TSC22D3: variants seen among roughly 807,000 people sequenced by gnomAD.
The protein encoded by TSC22D3 is TSC22 domain family member 3, also known as TSC22 domain family protein 3.
TSC22D3 carries 4 observed loss-of-function variants against 11.1 expected under a neutral mutation model. The observed-to-expected ratio is 0.36, with a 90% CI of 0.18 to 0.83. The LOEUF (loss-of-function observed/expected upper bound fraction) is 0.83. TSC22D3 is among the 40% of genes least tolerant of loss of function. TSC22D3 has a pLI of 0.48. For synonymous variants in TSC22D3, 77 were observed against 70.3 expected (o/e 1.10, Z -0.48); for missense variants, 118 against 159.4 (o/e 0.74, Z 1.40).
chrX:107,750,434 C>T (rs2147770575), intron 1 of TSC22D3, among the ~76,000 whole-genome samples: 1 of 111,134 alleles, frequency 9.0e-6, no homozygotes, highest in South Asian at 3.8e-4. Flanking sequence ...AACCTGACAC[C>T]AGCTCAGAAG....
At position 107,759,545 on chromosome X, in the gene TSC22D3, C is replaced by A. The variant is rs546674933; in HGVS notation, c.320+15555G>T. 4.5e-5 allele frequency among the ~76,000 whole-genome samples: 5 copies of A among 112,110 alleles called. No individual in the cohort carries two copies. In the East Asian group the frequency reaches 1.4e-3, roughly 32 times the overall value. On this transcript the variant is annotated intron_variant, in intron 1 of 2. Coordinates refer to ENST00000372383, the MANE Select transcript of TSC22D3 (RefSeq NM_198057.3). ...GCAAAGTCTGGACTCGAACCCAAAT[C>A]TTCTGGATCCAAATCTGACCCACTT...
chrX:107,764,065 T>C (rs1405740390), intron 1 of TSC22D3, among the ~76,000 whole-genome samples: 2 of 112,655 alleles, frequency 1.8e-5, no homozygotes, highest in Non-Finnish European at 3.8e-5. Context: ...TAGAGACTCA[T>C]TTCTTTAGCT....
At chrX:107,728,185 T>G (rs1602958722) in intron 1 of TSC22D3, among the ~76,000 whole-genome samples, 1 of 111,442 alleles carries the variant, frequency 9.0e-6, no homozygotes, top group African/African-American at 3.3e-5. Flanking sequence ...GTTATGTATG[T>G]GTTAGGACTT....
intron 1 of TSC22D3, among the ~76,000 whole-genome samples, chrX:107,729,014 A>G (rs181152401): frequency 1.8e-5 from 2 of 111,949 alleles, no homozygotes; most frequent in African/African-American, 6.5e-5. Flanking sequence ...AAGAAACCAA[A>G]CTGCCTCTGA....
chrX:107,757,627 T>C (rs1393146251), intron 1 of TSC22D3, among the ~76,000 whole-genome samples: 1 of 111,098 alleles, frequency 9.0e-6, no homozygotes, highest in East Asian at 2.8e-4. Flanking sequence ...TTTCTTTTTG[T>C]CCTCCACACA....
chrX:107,739,411 C>G (rs1002989231), intron 1 of TSC22D3, among the ~76,000 whole-genome samples: 5 of 112,703 alleles, frequency 4.4e-5, no homozygotes, highest in Non-Finnish European at 7.5e-5. Flanking sequence ...CACATGCACC[C>G]TTTCAGGGAG....
chrX:107,743,730 T>C (rs1402835857), intron 1 of TSC22D3, among the ~76,000 whole-genome samples: 1 of 112,427 alleles, frequency 8.9e-6, no homozygotes, highest in Non-Finnish European at 1.9e-5. Flanking sequence ...TGCTCTTCCC[T>C]GCCCTCATTC....
intron 1 of TSC22D3, among the ~76,000 whole-genome samples, chrX:107,741,179 A>G (rs936234102): frequency 8.9e-6 from 1 of 112,569 alleles, no homozygotes; most frequent in Admixed American, 9.3e-5. Flanking sequence ...CCCCACTGGC[A>G]TCTTTCTCCC....
chrX:107,764,440 T>C (rs1929571125), intron 1 of TSC22D3, among the ~76,000 whole-genome samples: 1 of 111,956 alleles, frequency 8.9e-6, no homozygotes, highest in Admixed American at 9.4e-5. Context: ...GGATGGAACG[T>C]TGACCATGAA....
In TSC22D3 at chrX:107,719,010, A is replaced by C. The variant is rs2051660665; in HGVS notation, c.321-3060T>G. ...TTAATTTGCCCTCTGCACCACATAG[A>C]GTTTTCTTGGTTCAGAAAGTCTCCG... On this transcript the variant is annotated intron_variant, in intron 1 of 2. Coordinates refer to ENST00000372383, the MANE Select transcript of TSC22D3 (RefSeq NM_198057.3). Among the ~76,000 whole-genome samples the C allele has an allele frequency of 1.8e-5, 2 of 111,875 alleles. 1 individual carries two copies. Among genetic ancestry groups the C allele is most frequent in the Admixed American group, 1.9e-4 (2 of 10,564 alleles).
At chrX:107,753,488 A>G (rs1220180194) in intron 1 of TSC22D3, among the ~76,000 whole-genome samples, 1 of 111,253 alleles carries the variant, frequency 9.0e-6, no homozygotes, top group Non-Finnish European at 1.9e-5. Context: ...TCAGACTCAC[A>G]TGGGTCAGAC....
Position 107,737,300 on chromosome X carries a change from C to A in TSC22D3, c.321-21350G>T, listed in dbSNP as rs778181110. ...TCAAGGCCCTCCCTGGCAACTGGCA[C>A]CTGGTTGGAAATAACCAGGAGCTAC... is the stretch of plus-strand genomic sequence containing the variant. On this transcript the variant is annotated intron_variant, in intron 1 of 2. Coordinates refer to ENST00000372383, the MANE Select transcript of TSC22D3 (RefSeq NM_198057.3). 2.7e-5 allele frequency among the ~76,000 whole-genome samples: 3 copies of A among 112,230 alleles called. No homozygotes were observed. The East Asian group carries it at 8.4e-4, about 32-fold the overall frequency.
intron 1 of TSC22D3, chrX:107,716,910 G>C (rs1460227780): frequency 7.8e-6 from 9 of 1,155,613 alleles, no homozygotes; most frequent in Non-Finnish European, 6.9e-6. Flanking sequence ...TGGGCTCTGC[G>C]CTGGAGTCCG....
At chrX:107,763,795 C>T (rs1360968965) in intron 1 of TSC22D3, among the ~76,000 whole-genome samples, 2 of 112,532 alleles carry the variant, frequency 1.8e-5, no homozygotes, top group South Asian at 3.7e-4. Context: ...CTAGCCTTTA[C>T]ACATTTCCTA....
rs1268555942 is a variant in TSC22D3, at chrX:107,742,388, AAG to A, written c.321-26440_321-26439del. On this transcript the variant is annotated intron_variant, in intron 1 of 2. Transcript: ENST00000372383. Reference sequence around the variant, plus strand: ...CGGGGGAGGGAGGGAGAGAGAGAGAAAGAGAGAGAGGGAGAGAGACTGAGTTG... The same window carrying A: ...CGGGGGAGGGAGGGAGAGAGAGAGAAAGAGAGAGGGAGAGAGACTGAGTTG... Among the ~76,000 whole-genome samples, 4 of 54,921 alleles carry A rather than the reference AAG, an allele frequency of 7.3e-5. No homozygotes were observed. In the South Asian group the frequency reaches 3.7e-3, roughly 50 times the overall value. The allele number at this position is 54,921 out of a possible 115,157, so 47.7% of individuals were successfully genotyped here. A position where few individuals can be genotyped will look rare whatever the true frequency, so the allele number is the denominator to read the frequency against.
chrX:107,722,258 G>C (rs1045076820), intron 1 of TSC22D3: 10 of 151,809 alleles, frequency 6.6e-5, no homozygotes, highest in Non-Finnish European at 1.1e-4. Context: ...TCTTGGAAAA[G>C]CAGCTCTAGC....
chrX:107,742,318 A>AGAGT (rs1569451273), intron 1 of TSC22D3, among the ~76,000 whole-genome samples: 2 of 38,179 alleles, frequency 5.2e-5, no homozygotes, highest in East Asian at 1.7e-3. Context: ...AGAGAGAGAG[A>AGAGT]GTGTGTGTGC....
At chrX:107,769,715 TCACACACACACACACACA>T (rs748668681) in intron 1 of TSC22D3, among the ~76,000 whole-genome samples, 182 of 101,518 alleles carry the variant, frequency 1.8e-3, no homozygotes, top group Middle Eastern at 5.2e-3. Context: ...TCTTTCTCTT[TCACACACACACACACACA>T]CACACACACA....
intron 1 of TSC22D3, among the ~76,000 whole-genome samples, chrX:107,737,837 T>C (rs1928215784): frequency 8.9e-6 from 1 of 111,927 alleles, no homozygotes; most frequent in Non-Finnish European, 1.9e-5. Flanking sequence ...AATGGCAGAT[T>C]TGTTGCTACC....
Sources: gnomAD v4.1 joint callset for allele counts (sites outside exome capture counted in the v4.1 genomes callset) on GRCh38, gnomAD v4.1.1 for gene constraint, MANE v1.5 for transcripts, NCBI Gene and HGNC (gene_info 2026-07-23, HGNC 2026-07-21) for gene names.